Variants in PARD3B observed in about 807,000 individuals in gnomAD.
PARD3B encodes the protein partitioning defective 3 homolog B.
PARD3B carries 103 observed loss-of-function variants against 130.2 expected under a neutral mutation model. That is an observed-to-expected ratio of 0.79 (90% CI 0.67 to 0.93). PARD3B has a LOEUF of 0.93. Ranked by LOEUF, PARD3B falls within the 40% of genes least tolerant of loss-of-function variation. The probability of loss-of-function intolerance (pLI) is 0.00; values close to 1 mark genes in which losing one functional copy is unlikely to be tolerated. For synonymous variants in PARD3B, 583 were observed against 553.2 expected (o/e 1.05, Z -0.76); for missense variants, 1,609 against 1,499.2 (o/e 1.07, Z -1.21).
At position 205,407,587 on chromosome 2, in the gene PARD3B, G is replaced by C. The variant is rs950046806; in HGVS notation, c.2741+6464G>C. Among the ~76,000 whole-genome samples, 2 of 151,996 alleles carry C rather than the reference G, an allele frequency of 1.3e-5. No individual in the cohort carries two copies. The highest frequency in any genetic ancestry group is 4.8e-5 in the African/African-American group (2 of 41,374). ...AAAGTATGAAATTAATCAGAATCTTGGACCTGTAAAATACCAAACTAAATA... is the reference window on the plus strand; with the variant it reads ...AAAGTATGAAATTAATCAGAATCTTCGACCTGTAAAATACCAAACTAAATA... On this transcript the variant is annotated intron_variant, in intron 19 of 22. Transcript: ENST00000406610. The surrounding 1 kb of genome is among the most constrained non-coding windows in gnomAD (Gnocchi z 4.1).
In PARD3B at chr2:205,415,510, T is replaced by C. The variant is rs147855922; in HGVS notation, c.2741+14387T>C. Among the ~76,000 whole-genome samples the C allele has an allele frequency of 4.0e-3, 609 of 152,302 alleles. 8 individuals are homozygous for C. The highest frequency in any genetic ancestry group is 0.013 in the African/African-American group (561 of 41,584). On this transcript the variant is annotated intron_variant, in intron 19 of 22. Coordinates refer to ENST00000406610, the MANE Select transcript of PARD3B (RefSeq NM_001302769.2). Reference sequence around the variant, plus strand: ...TGACATTATGCTAAAATATTCAATGTCTCAAGTGTGTATACGACTTAAGGT... The same window carrying C: ...TGACATTATGCTAAAATATTCAATGCCTCAAGTGTGTATACGACTTAAGGT...
intron 1 of PARD3B, among the ~76,000 whole-genome samples, chr2:204,556,787 A>T (rs900280177): frequency 2.6e-5 from 4 of 152,192 alleles, no homozygotes; most frequent in African/African-American, 9.7e-5. Context: ...CTTAAAATGG[A>T]GCATTTTCAG....
At chr2:204,547,065 GC>G (rs1225065717) in intron 1 of PARD3B, among the ~76,000 whole-genome samples, 1 of 152,140 alleles carries the variant, frequency 6.6e-6, no homozygotes, top group East Asian at 1.9e-4. Flanking sequence ...TGTTTTAGCG[GC>G]CAATGGTTCT....
chr2:204,892,894 TAAC>T (rs1453154510), intron 2 of PARD3B, among the ~76,000 whole-genome samples: 1 of 152,194 alleles, frequency 6.6e-6, no homozygotes, highest in East Asian at 1.9e-4. Flanking sequence ...AAGTTAGAGA[TAAC>T]AATTACAAAT....
intron 2 of PARD3B, among the ~76,000 whole-genome samples, chr2:204,882,541 A>G (rs1235553342): frequency 1.3e-5 from 2 of 152,118 alleles, no homozygotes; most frequent in Non-Finnish European, 2.9e-5. Flanking sequence ...ATCCTTCACA[A>G]TGAATTGCTT....
chr2:204,566,881 CTT>C (rs1232686164), intron 1 of PARD3B, among the ~76,000 whole-genome samples: 3,718 of 140,240 alleles, frequency 0.027, 143 homozygotes, highest in African/African-American at 0.091. Flanking sequence ...TTCTAAACCT[CTT>C]TTTTTTTTTT....
At chr2:205,164,101 A>G (rs1256079605) in intron 11 of PARD3B, among the ~76,000 whole-genome samples, 1 of 152,242 alleles carries the variant, frequency 6.6e-6, no homozygotes, top group East Asian at 1.9e-4. Context: ...GCCTGGAAAT[A>G]TACATAAATT....
chr2:204,550,561 C>T (rs1451018061), intron 1 of PARD3B, among the ~76,000 whole-genome samples: 1 of 152,072 alleles, frequency 6.6e-6, no homozygotes, highest in East Asian at 1.9e-4. Flanking sequence ...CGTGGAATAG[C>T]AGGCATGCTG....
chr2:205,613,691 G>C (rs1303940460), intron 22 of PARD3B, among the ~76,000 whole-genome samples: 1 of 152,158 alleles, frequency 6.6e-6, no homozygotes, highest in Non-Finnish European at 1.5e-5. Flanking sequence ...ATTACCCCAA[G>C]CTCAAGGATC....
At chr2:204,908,022 C>T (rs2047097431) in intron 2 of PARD3B, among the ~76,000 whole-genome samples, 1 of 152,078 alleles carries the variant, frequency 6.6e-6, no homozygotes. Flanking sequence ...TTTTTAAGTT[C>T]CCTTCTAACT....
intron 15 of PARD3B, among the ~76,000 whole-genome samples, chr2:205,210,219 A>T (rs762970455): frequency 2.0e-5 from 3 of 151,990 alleles, no homozygotes; most frequent in African/African-American, 7.2e-5. Flanking sequence ...AATTTTAAAA[A>T]TAAATAAAAT....
chr2:205,527,853 C>G (rs923324977), intron 21 of PARD3B, among the ~76,000 whole-genome samples: 9 of 152,258 alleles, frequency 5.9e-5, no homozygotes, highest in African/African-American at 2.2e-4. Flanking sequence ...AGAAGTTTCC[C>G]CAGATACAAG....
intron 20 of PARD3B, among the ~76,000 whole-genome samples, chr2:205,441,971 G>C (rs1193367632): frequency 1.3e-5 from 2 of 152,152 alleles, no homozygotes; most frequent in Non-Finnish European, 2.9e-5. Flanking sequence ...TTAAGAGTTG[G>C]ATTTTTCTCC....
intron 2 of PARD3B, among the ~76,000 whole-genome samples, chr2:204,834,218 T>G (rs955230792): frequency 2.0e-5 from 3 of 152,224 alleles, no homozygotes; most frequent in Non-Finnish European, 4.4e-5. Flanking sequence ...AATATTTGCT[T>G]TATGTGTTTC....
intron 18 of PARD3B, among the ~76,000 whole-genome samples, chr2:205,333,206 C>A (rs769799481): frequency 2.0e-5 from 3 of 152,032 alleles, no homozygotes; most frequent in Admixed American, 6.6e-5. Flanking sequence ...ATACTCTATA[C>A]GTACATTGTC....
chr2:205,372,123 C>T (rs866644820), intron 18 of PARD3B, among the ~76,000 whole-genome samples: 30 of 152,072 alleles, frequency 2.0e-4, no homozygotes, highest in African/African-American at 7.0e-4. Flanking sequence ...TATGAATATT[C>T]GTGTACAAAT....
At position 204,880,419 on chromosome 2, in the gene PARD3B, T is replaced by C. The variant is rs528492470; in HGVS notation, c.223-84733T>C. ...GCTCATGCCTGTAATCCCAGCACTT[T>C]GGGAGGCCGAGGTGGGCGGATCACG... is the stretch of plus-strand genomic sequence containing the variant. On this transcript the variant is annotated intron_variant, in intron 2 of 22. Transcript: ENST00000406610. Among the ~76,000 whole-genome samples the C allele has an allele frequency of 7.2e-4, 109 of 152,166 alleles. 1 individual carries two copies. Among genetic ancestry groups the C allele is most frequent in the African/African-American group, 2.5e-3 (105 of 41,508 alleles).
At chr2:205,544,252 CT>C (rs59447760) in intron 21 of PARD3B, among the ~76,000 whole-genome samples, 4,232 of 148,824 alleles carry the variant, frequency 0.028, 150 homozygotes, top group South Asian at 0.13. Context: ...TTCCTAATGC[CT>C]TTTTTTTTTC....
intron 2 of PARD3B, among the ~76,000 whole-genome samples, chr2:204,794,586 A>G (rs2042306503): frequency 6.6e-6 from 1 of 152,214 alleles, no homozygotes; most frequent in Non-Finnish European, 1.5e-5. Context: ...CCCAGTGTAT[A>G]ATTGTAGATA....
Sources: gnomAD v4.1 joint callset for allele counts (sites outside exome capture counted in the v4.1 genomes callset) on GRCh38, gnomAD v4.1.1 for gene constraint, Gnocchi (gnomAD v3.1) non-coding constraint, MANE v1.5 for transcripts, NCBI Gene and HGNC (gene_info 2026-07-23, HGNC 2026-07-21) for gene names.